ATP10B: variants seen among roughly 807,000 people sequenced by gnomAD.
ATP10B encodes ATPase phospholipid transporting 10B (putative).
In ATP10B, 122 loss-of-function variants were observed where a neutral mutation model predicts 141.2. That is an observed-to-expected ratio of 0.86 (90% CI 0.75 to 1.00). The LOEUF is 1.00. Among genes scored for constraint, ATP10B ranks in the 50% least tolerant of loss-of-function variants. The pLI is 0.00. For missense variants in ATP10B, 1,876 were observed against 1,825.3 expected (o/e 1.03, Z -0.51); for synonymous variants, 685 against 692.0 (o/e 0.99, Z 0.16).
At chr5:160,754,358 C>A (rs1768364960) in intron 2 of ATP10B, among the ~76,000 whole-genome samples, 1 of 152,006 alleles carries the variant, frequency 6.6e-6, no homozygotes, top group Non-Finnish European at 1.5e-5. Context: ...TTATGTGGCT[C>A]AGGATTTCAC....
the ATP10B span, among the ~76,000 whole-genome samples, chr5:160,895,541 T>C: frequency 1.3e-5 from 2 of 152,184 alleles, no homozygotes; most frequent in African/African-American, 2.4e-5. Context: ...GCACCAAGAT[T>C]CATACAGCAA....
chr5:160,626,323 G>A (rs190171430), intron 13 of ATP10B, among the ~76,000 whole-genome samples: 3 of 152,244 alleles, frequency 2.0e-5, no homozygotes, highest in East Asian at 1.9e-4. Flanking sequence ...GAGCTCAAAC[G>A]ATATCCTCAA....
intron 2 of ATP10B, among the ~76,000 whole-genome samples, chr5:160,720,380 C>T (rs1012193589): frequency 2.0e-4 from 31 of 152,226 alleles, no homozygotes; most frequent in East Asian, 9.7e-4. Context: ...AAACTAAGTG[C>T]GATGGAGTTT....
rs1272734298 is a variant in ATP10B at position 160,620,388 on chromosome 5, G to T, written c.2375C>A (p.Ala792Asp). 88 of 1,613,686 alleles carry T rather than the reference G, an allele frequency of 5.5e-5. No individual in the cohort carries two copies. Among genetic ancestry groups the T allele is most frequent in the Non-Finnish European group, 7.1e-5 (84 of 1,179,806 alleles). The change falls in exon 15 of 26, where the codon GCT (alanine) becomes GAT (aspartate). Residue 792 changes from alanine (A) to aspartate (D), a missense_variant. By Grantham distance (126) the Ala-to-Asp change is moderately radical. Transcript: ENST00000327245. ...CAGCAGGTCCATGATGACCGAGTCAGCACCCTTGGTGTAGACAACAATCTC... is the reference window on the plus strand; with the variant it reads ...CAGCAGGTCCATGATGACCGAGTCATCACCCTTGGTGTAGACAACAATCTC... ...TGEIVVYTKG[A>D]DSVIMDLLED...
intron 21 of ATP10B, among the ~76,000 whole-genome samples, chr5:160,601,915 G>A (rs187753931): frequency 1.1e-3 from 160 of 152,290 alleles, no homozygotes; most frequent in African/African-American, 3.8e-3. Flanking sequence ...CCAAGTTGAA[G>A]CCATGGGCTC....
At chr5:160,695,826 T>G (rs947373922) in intron 3 of ATP10B, among the ~76,000 whole-genome samples, 5 of 152,092 alleles carry the variant, frequency 3.3e-5, no homozygotes, top group African/African-American at 1.2e-4. Flanking sequence ...AAGTTTGGCC[T>G]TCAGTTAACT....
At chr5:160,693,456 A>G (rs1371317314) in intron 3 of ATP10B, among the ~76,000 whole-genome samples, 1 of 148,818 alleles carries the variant, frequency 6.7e-6, no homozygotes, top group Non-Finnish European at 1.5e-5. Context: ...ACACACACAC[A>G]GTGGTATAGT....
chr5:160,877,638 A>G, the ATP10B span, among the ~76,000 whole-genome samples: 3 of 150,192 alleles, frequency 2.0e-5, no homozygotes, highest in Non-Finnish European at 4.5e-5. Flanking sequence ...AGAAAACCCC[A>G]TTGTCTCAGC....
chr5:160,791,234 T>C (rs1322814312), intron 1 of ATP10B, among the ~76,000 whole-genome samples: 1 of 152,172 alleles, frequency 6.6e-6, no homozygotes, highest in African/African-American at 2.4e-5. Context: ...GACTTCTGAC[T>C]TACAGAACTG....
intron 1 of ATP10B, among the ~76,000 whole-genome samples, chr5:160,820,608 A>G (rs972678166): frequency 3.3e-5 from 5 of 151,862 alleles, no homozygotes; most frequent in African/African-American, 4.8e-5. Flanking sequence ...TTACAGGCCA[A>G]TATCTCTGAT....
intron 24 of ATP10B, among the ~76,000 whole-genome samples, chr5:160,585,733 G>A (rs761096236): frequency 1.2e-4 from 19 of 152,260 alleles, no homozygotes; most frequent in South Asian, 6.2e-4. Context: ...GCCCTACCCC[G>A]CAGGAGCCAG....
chr5:160,778,920 T>C (rs1770527213), intron 2 of ATP10B, among the ~76,000 whole-genome samples: 1 of 152,190 alleles, frequency 6.6e-6, no homozygotes, highest in African/African-American at 2.4e-5. Context: ...TGCTTCTCTA[T>C]GTCTAGTTCA....
the ATP10B span, among the ~76,000 whole-genome samples, chr5:160,919,178 C>T: frequency 4.7e-5 from 6 of 127,276 alleles, no homozygotes; most frequent in East Asian, 2.4e-4. Flanking sequence ...GAGTCGAGAT[C>T]GCGCCACTGC....
intron 1 of ATP10B, among the ~76,000 whole-genome samples, chr5:160,816,523 C>CA (rs1468146919): frequency 4.0e-5 from 6 of 151,822 alleles, no homozygotes; most frequent in African/African-American, 1.4e-4. Flanking sequence ...GCTTACCAAC[C>CA]AAAAAAAATC....
In ATP10B at chr5:160,828,852, A is replaced by C. The variant is rs550745907; in HGVS notation, c.-576+23089T>G. Among the ~76,000 whole-genome samples, 78 of 150,954 alleles carry C rather than the reference A, an allele frequency of 5.2e-4. 1 individual carries two copies. Among genetic ancestry groups the C allele is most frequent in the South Asian group, 1.1e-3 (5 of 4,712 alleles). On this transcript the variant is annotated intron_variant, in intron 1 of 25. Coordinates refer to ENST00000327245, the MANE Select transcript of ATP10B (RefSeq NM_025153.3). ...ACTGGATTAAGAAAATGTGGCACAT[A>C]TACACCATGGAATACTATGCAGCCA...
At chr5:160,669,253 C>A (rs543074302) in intron 7 of ATP10B, among the ~76,000 whole-genome samples, 2 of 152,346 alleles carry the variant, frequency 1.3e-5, no homozygotes, top group East Asian at 3.9e-4. Flanking sequence ...TTAATACCAA[C>A]TGTTCCCTGG....
chr5:160,572,620 C>T (rs1419807662), intron 24 of ATP10B, among the ~76,000 whole-genome samples: 1 of 152,154 alleles, frequency 6.6e-6, no homozygotes, highest in Non-Finnish European at 1.5e-5. Flanking sequence ...TCTTTAGTCT[C>T]ACCACTCATT....
intron 1 of ATP10B, among the ~76,000 whole-genome samples, chr5:160,796,452 C>T (rs1771954362): frequency 6.6e-6 from 1 of 152,218 alleles, no homozygotes; most frequent in Non-Finnish European, 1.5e-5. Context: ...AGCCACTGTG[C>T]TAAGCACTTT....
At chr5:160,664,104 A>C (rs920674934) in intron 7 of ATP10B, among the ~76,000 whole-genome samples, 35 of 152,214 alleles carry the variant, frequency 2.3e-4, no homozygotes, top group Non-Finnish European at 4.6e-4. Flanking sequence ...ATCTGTGCTC[A>C]ACATTTAAGC....
Sources: gnomAD v4.1 joint callset for allele counts (sites outside exome capture counted in the v4.1 genomes callset) on GRCh38, gnomAD v4.1.1 for gene constraint, MANE v1.5 for transcripts, NCBI Gene and HGNC (gene_info 2026-07-23, HGNC 2026-07-21) for gene names.